The following AGPAT5 variants were observed in gnomAD, a reference collection of about 807,000 sequenced individuals.
The protein encoded by AGPAT5 is 1-acyl-sn-glycerol-3-phosphate acyltransferase epsilon.
AGPAT5 carries 46 observed loss-of-function variants against 45.6 expected under a neutral mutation model. The observed-to-expected ratio is 1.01, with a 90% CI of 0.80 to 1.29. The LOEUF is 1.29. Among genes scored for constraint, AGPAT5 ranks in the 50% most tolerant of loss-of-function variants. AGPAT5 has a pLI of 0.00. For missense variants in AGPAT5, 673 were observed against 450.7 expected (o/e 1.49, Z -4.47); for synonymous variants, 272 against 167.0 (o/e 1.63, Z -4.85).
chr8:6,729,472 T>A (rs1051613498), intron 2 of AGPAT5, among the ~76,000 whole-genome samples: 1 of 151,150 alleles, frequency 6.6e-6, no homozygotes, highest in Non-Finnish European at 1.5e-5. Flanking sequence ...TCGAGTATCG[T>A]TGAGCTCATG....
At chr8:6,709,197 C>G (rs1800050295) in intron 1 of AGPAT5, 1 of 430,550 alleles carries the variant, frequency 2.3e-6, no homozygotes, top group East Asian at 5.3e-5. Context: ...TAATAGGGCA[C>G]GCGTTTAGCA....
intron 2 of AGPAT5, among the ~76,000 whole-genome samples, chr8:6,728,948 A>G (rs1397610617): frequency 3.3e-5 from 5 of 152,220 alleles, no homozygotes; most frequent in Admixed American, 3.3e-4. Flanking sequence ...AATAGTATAG[A>G]TATCTCAACC....
chr8:6,741,481 A>G (rs1801243494), intron 4 of AGPAT5, among the ~76,000 whole-genome samples, 180 bp from the exon 5 acceptor site: 1 of 152,152 alleles, frequency 6.6e-6, no homozygotes, highest in Non-Finnish European at 1.5e-5. Context: ...CGTTATGTTC[A>G]TATTTAATTG....
At chr8:6,749,688 A>G (rs141261038) in intron 6 of AGPAT5, among the ~76,000 whole-genome samples, 1 of 152,284 alleles carries the variant, frequency 6.6e-6, no homozygotes, top group African/African-American at 2.4e-5. Flanking sequence ...TTACTTACCT[A>G]TTTTTGCATT....
chr8:6,747,578 T>C, intron 5 of AGPAT5, 92 bp from the exon 6 acceptor site: 1 of 1,201,518 alleles, frequency 8.3e-7, no homozygotes, highest in Non-Finnish European at 1.2e-6. Flanking sequence ...GTTGTGTGTG[T>C]TTGAGGGAAT....
rs10090110 is a variant in AGPAT5, at chr8:6,724,974, C to T, written c.289+35C>T. The T allele has an allele frequency of 6.4e-3, 5,431 of 850,000 alleles. 211 individuals are homozygous for T. In the African/African-American group the frequency reaches 0.083, roughly 13 times the overall value. The allele number at this position is 850,000 out of a possible 1,614,324, so 52.7% of individuals were successfully genotyped here. A position where few individuals can be genotyped will look rare whatever the true frequency, so the allele number is the denominator to read the frequency against. Reference sequence around the variant, plus strand: ...TCATTTGCATGAAACATAGGTTTTTCTACAGATGGCACATGGGCATTCAAA... The same window carrying T: ...TCATTTGCATGAAACATAGGTTTTTTTACAGATGGCACATGGGCATTCAAA... On this transcript the variant is annotated intron_variant, in intron 2 of 7. Coordinates refer to ENST00000285518, the MANE Select transcript of AGPAT5 (RefSeq NM_018361.5).
chr8:6,721,000 G>A (rs1800477871), intron 1 of AGPAT5, among the ~76,000 whole-genome samples: 1 of 152,142 alleles, frequency 6.6e-6, no homozygotes, highest in African/African-American at 2.4e-5. Flanking sequence ...TATGAAGAAG[G>A]CTTTGCTGAA....
intron 4 of AGPAT5, among the ~76,000 whole-genome samples, chr8:6,736,293 T>C (rs1043544795): frequency 1.3e-5 from 2 of 152,274 alleles, no homozygotes; most frequent in African/African-American, 4.8e-5. Flanking sequence ...TTTCCACTAA[T>C]GTCCTTTTTC....
intron 1 of AGPAT5, among the ~76,000 whole-genome samples, chr8:6,722,712 G>A (rs1212988472): frequency 6.6e-6 from 1 of 152,210 alleles, no homozygotes. Context: ...GCCAGTGTGT[G>A]CAAGATAAAT....
intron 4 of AGPAT5, among the ~76,000 whole-genome samples, chr8:6,737,537 T>C (rs1352054137): frequency 6.6e-6 from 1 of 152,222 alleles, no homozygotes; most frequent in Non-Finnish European, 1.5e-5. Flanking sequence ...CTTAAGGAAC[T>C]TATTGGTTGT....
At position 6,741,683 on chromosome 8, in the gene AGPAT5, A is replaced by T; in HGVS notation, c.518A>T (p.Glu173Val). Reference sequence around the variant, plus strand: ...CAGATGTATCTTGTGATTTTTCCAGAAGGTACAAGGTATAATCCAGAGCAA... The same window carrying T: ...CAGATGTATCTTGTGATTTTTCCAGTAGGTACAAGGTATAATCCAGAGCAA... ...GTPMYLVIFP[E>V]GTRYNPEQTK... is the part of the protein sequence containing the mutation. The change falls in exon 5 of 8, where the codon GAA (glutamate) becomes GTA (valine). Residue 173 changes from glutamate (E) to valine (V), a missense_variant. Physicochemically the swap from Glu to Val is moderately radical, Grantham distance 121 (BLOSUM62 -2). Transcript: ENST00000285518. The T allele has an allele frequency of 6.2e-7, 1 of 1,605,468 alleles. No homozygotes were observed. Among genetic ancestry groups the T allele is most frequent in the Non-Finnish European group, 8.5e-7 (1 of 1,176,538 alleles).
At position 6,708,800 on chromosome 8, in the gene AGPAT5, C is replaced by G. The variant is rs781382966; in HGVS notation, c.132C>G (p.Ala44=). The G allele has an allele frequency of 1.9e-6, 3 of 1,610,880 alleles. No individual in the cohort carries two copies. In the South Asian group the frequency reaches 3.3e-5, roughly 18 times the overall value. Residue 44 remains alanine (A), a synonymous_variant, in exon 1 of 8, where the codon GCC becomes GCG. Coordinates refer to ENST00000285518, the MANE Select transcript of AGPAT5 (RefSeq NM_018361.5). ...GGCTGCTCTCCGCCTTCCTGCCCGC[C>G]CGCTTCTACCAAGCGCTGGACGACC... ...VWRLLSAFLP[A]RFYQALDDRL...
At chr8:6,709,171 A>G (rs971404963) in intron 1 of AGPAT5, 14 of 508,964 alleles carry the variant, frequency 2.8e-5, no homozygotes, top group Non-Finnish European at 4.7e-5. Context: ...AAGTGGGTGC[A>G]GATGCACGTT....
Position 6,724,895 on chromosome 8 carries a change from A to G in AGPAT5, c.245A>G (p.Lys82Arg). Residue 82 changes from lysine to arginine, a missense_variant, in exon 2 of 8, where the codon AAA becomes AGA. Coordinates refer to ENST00000285518, the MANE Select transcript of AGPAT5 (RefSeq NM_018361.5). ...VQILLYGDLP[K>R]NKENIIYLAN... ...ATATTGCTATATGGAGATTTGCCAA[A>G]AAATAAAGAAAATATAATATATTTA... 1 of 1,144,142 alleles carries G rather than the reference A, an allele frequency of 8.7e-7. No individual in the cohort carries two copies. The highest frequency in any genetic ancestry group is 1.2e-6 in the Non-Finnish European group (1 of 864,580). The allele number at this position is 1,144,142 out of a possible 1,614,324, so 70.9% of individuals were successfully genotyped here.
At chr8:6,712,032 T>G (rs1800172563) in intron 1 of AGPAT5, among the ~76,000 whole-genome samples, 1 of 152,196 alleles carries the variant, frequency 6.6e-6, no homozygotes, top group Non-Finnish European at 1.5e-5. Flanking sequence ...GGGGCTGCCC[T>G]TCATTCCCCC....
chr8:6,711,210 T>C (rs1394030728), intron 1 of AGPAT5, among the ~76,000 whole-genome samples: 1 of 152,236 alleles, frequency 6.6e-6, no homozygotes, highest in Non-Finnish European at 1.5e-5. Context: ...TGAAGAGAAG[T>C]AGTAGTAGGT....
chr8:6,744,764 T>G (rs1265920327), intron 5 of AGPAT5, among the ~76,000 whole-genome samples: 3 of 152,242 alleles, frequency 2.0e-5, no homozygotes. Flanking sequence ...TTGGCCCTTC[T>G]GCAGCTTGCA....
intron 6 of AGPAT5, among the ~76,000 whole-genome samples, chr8:6,748,222 A>G (rs144852866): frequency 3.1e-4 from 47 of 152,320 alleles, no homozygotes; most frequent in African/African-American, 1.1e-3. Flanking sequence ...TTTGGGTGTC[A>G]TTGTGACAAG....
intron 5 of AGPAT5, chr8:6,746,261 C>T (rs1455566582): frequency 6.6e-6 from 1 of 152,212 alleles, no homozygotes; most frequent in African/African-American, 2.4e-5. Flanking sequence ...CGCAGGCATG[C>T]TCTGCATGTC....
Sources: gnomAD v4.1 joint callset for allele counts (sites outside exome capture counted in the v4.1 genomes callset) on GRCh38, gnomAD v4.1.1 for gene constraint, MANE v1.5 for transcripts, NCBI Gene and HGNC (gene_info 2026-07-23, HGNC 2026-07-21) for gene names.